Variants in ECM2 observed in about 807,000 individuals in gnomAD.
The protein encoded by ECM2 is extracellular matrix protein 2.
ECM2 carries 57 observed loss-of-function variants against 67.5 expected under a neutral mutation model. The observed-to-expected ratio is 0.84, with a 90% confidence interval of 0.68 to 1.05. ECM2 has a LOEUF of 1.05. Among genes scored for constraint, ECM2 ranks in the 50% least tolerant of loss-of-function variants. The probability of loss-of-function intolerance (pLI) is 0.00; values close to 1 mark genes in which losing one functional copy is unlikely to be tolerated. For missense variants in ECM2, 741 were observed against 822.8 expected (o/e 0.90, Z 1.22); for synonymous variants, 258 against 294.5 (o/e 0.88, Z 1.27).
At chr9:92,534,581 A>T (rs534475580) in intron 1 of ECM2, among the ~76,000 whole-genome samples, 11 of 152,330 alleles carry the variant, frequency 7.2e-5, no homozygotes, top group African/African-American at 2.4e-4. Context: ...AACTTTTTGC[A>T]ATCTACTTTA....
chr9:92,525,513 C>T (rs1414173798), intron 1 of ECM2, among the ~76,000 whole-genome samples: 1 of 152,150 alleles, frequency 6.6e-6, no homozygotes, highest in South Asian at 2.1e-4. Context: ...CTAGAGACGT[C>T]ACAGCATCAT....
Position 92,500,983 on chromosome 9 carries a change from G to A in ECM2, c.1675C>T (p.Leu559=), listed in dbSNP as rs748535545. The A allele has an allele frequency of 6.8e-6, 11 of 1,614,080 alleles. No homozygotes were observed. In the Admixed American group the frequency reaches 1.7e-4, roughly 24 times the overall value. ...HVPSYLPKSL[L]HLVLLGNQIE... Reference sequence around the variant, plus strand: ...TGGTTCCCAAGGAGTACTAGGTGCAGCAAGGACTTGGGTAGATAGGACGGG... The same window carrying A: ...TGGTTCCCAAGGAGTACTAGGTGCAACAAGGACTTGGGTAGATAGGACGGG... Residue 559 remains leucine (L), a synonymous_variant, in exon 9 of 10, where the codon CTG becomes TTG. Transcript: ENST00000344604.
chr9:92,556,014 T>A, the ECM2 span, among the ~76,000 whole-genome samples: 1 of 152,212 alleles, frequency 6.6e-6, no homozygotes, highest in South Asian at 2.1e-4. Context: ...GACTTTTTGA[T>A]GTGGGCGTTT....
Position 92,515,039 on chromosome 9 carries a change from C to T in ECM2, c.646G>A (p.Asp216Asn), listed in dbSNP as rs1204610897. The T allele has an allele frequency of 6.2e-7, 1 of 1,614,056 alleles. No homozygotes were observed. Among genetic ancestry groups the T allele is most frequent in the Non-Finnish European group, 8.5e-7 (1 of 1,180,048 alleles). ...VRKEALQSEE[D>N]EEVKEEDTEQ... is the part of the protein sequence containing the mutation. The stretch of plus-strand genomic sequence containing the variant: ...GTATCTTCTTCTTTCACTTCTTCAT[C>T]CTCCTCAGATTGAAGTGCTTCTTTT... Residue 216 changes from aspartate (D) to asparagine (N), a missense_variant, in exon 4 of 10, where the codon GAT becomes AAT. Asp to Asn is a conservative substitution (Grantham distance 23, BLOSUM62 1). Transcript: ENST00000344604.
intron 4 of ECM2, among the ~76,000 whole-genome samples, chr9:92,514,079 G>T (rs1847525814): frequency 6.6e-6 from 1 of 151,046 alleles, no homozygotes; most frequent in Non-Finnish European, 1.5e-5. Context: ...CAATTTTTAG[G>T]ATGAAATTAA....
Position 92,500,148 on chromosome 9 carries a change from CCT to C in ECM2, c.1931+577_1931+578del, listed in dbSNP as rs948320384. Reference sequence around the variant, plus strand: ...CTATTGCTTTGAAGACTCATTTGAACCTCTCTCTAAAGTTCTAAGTGTTATAT... The same window carrying C: ...CTATTGCTTTGAAGACTCATTTGAACCTCTCTAAAGTTCTAAGTGTTATAT... On this transcript the variant is annotated intron_variant, in intron 9 of 9. Coordinates refer to ENST00000344604, the MANE Select transcript of ECM2 (RefSeq NM_001393.4). 7.9e-5 allele frequency among the ~76,000 whole-genome samples: 12 copies of C among 152,182 alleles called. No homozygotes were observed. The East Asian group carries it at 1.7e-3, about 22-fold the overall frequency.
Position 92,522,893 on chromosome 9 carries a change from T to G in ECM2, c.-27A>C. The G allele has an allele frequency of 6.4e-7, 1 of 1,572,078 alleles. No homozygotes were observed. The highest frequency in any genetic ancestry group is 8.6e-7 in the Non-Finnish European group (1 of 1,165,876). ...TTTGATTTTTTTCCACCAGCCAATT[T>G]CTAGAATGAAACAATATTTCAAAGT... is the stretch of plus-strand genomic sequence containing the variant. On this transcript the variant is annotated splice_region_variant and 5_prime_UTR_variant, in exon 2 of 10. Transcript: ENST00000344604.
At chr9:92,543,495 AAAAAAG>A in the ECM2 span, among the ~76,000 whole-genome samples, 2 of 151,200 alleles carry the variant, frequency 1.3e-5, no homozygotes, top group Non-Finnish European at 3.0e-5. Flanking sequence ...AAAAAAAAAA[AAAAAAG>A]ATTGCATTAG....
chr9:92,549,046 A>C, the ECM2 span, among the ~76,000 whole-genome samples: 1 of 152,224 alleles, frequency 6.6e-6, no homozygotes, highest in Non-Finnish European at 1.5e-5. Flanking sequence ...AGAAGGATAA[A>C]CAATGGACAG....
At chr9:92,511,874 G>A (rs1163827878) in intron 5 of ECM2, 137 bp downstream of exon 5, 2 of 575,262 alleles carry the variant, frequency 3.5e-6, no homozygotes, top group Admixed American at 3.4e-5. Flanking sequence ...TCAAATTAGG[G>A]ACATCAGAGA....
chr9:92,546,144 A>G, the ECM2 span, among the ~76,000 whole-genome samples: 14 of 152,166 alleles, frequency 9.2e-5, no homozygotes, highest in African/African-American at 3.4e-4. Flanking sequence ...GGGGACTTGG[A>G]GAACTTCTGT....
chr9:92,525,867 C>T (rs1443130076), intron 1 of ECM2, among the ~76,000 whole-genome samples: 1 of 146,538 alleles, frequency 6.8e-6, no homozygotes, highest in Non-Finnish European at 1.5e-5. Context: ...CACCACCATG[C>T]CCAGAGTGCA....
At position 92,505,615 on chromosome 9, in the gene ECM2, T is replaced by G. The variant is rs778638700; in HGVS notation, c.1382A>C (p.Lys461Thr). ...SEANVNPLAF[K>T]PLKSLAYLRL... ...CAAGTAGGCTAGGCTCTTCAAAGGT[T>G]TGAAAGCTAAAGGATTGACATTGGC... The change falls in exon 7 of 10, where the codon AAA becomes ACA. Residue 461 changes from lysine to threonine, a missense_variant. Lys to Thr is a moderately conservative substitution (Grantham distance 78). Transcript: ENST00000344604. 2 of 1,611,504 alleles carry G rather than the reference T, an allele frequency of 1.2e-6. No homozygotes were observed. The highest frequency in any genetic ancestry group is 2.2e-5 in the South Asian group (2 of 90,062).
chr9:92,533,314 A>ATATATAT (rs1848934895), intron 1 of ECM2, among the ~76,000 whole-genome samples: 5 of 95,022 alleles, frequency 5.3e-5, no homozygotes, highest in African/African-American at 2.2e-4. Context: ...AAAAAAAAAA[A>ATATATAT]AAAAAAAAAA....
chr9:92,504,818 C>T (rs141857838), intron 7 of ECM2, among the ~76,000 whole-genome samples: 1 of 152,306 alleles, frequency 6.6e-6, no homozygotes, highest in African/African-American at 2.4e-5. Flanking sequence ...GGATTACTGG[C>T]GTGAGCCACT....
chr9:92,546,803 AC>A, the ECM2 span, among the ~76,000 whole-genome samples: 3 of 152,350 alleles, frequency 2.0e-5, no homozygotes, highest in African/African-American at 7.2e-5. Flanking sequence ...CTTTAAAAAA[AC>A]AATAAAATTG....
At chr9:92,514,551 A>G (rs1847563378) in intron 4 of ECM2, 80 bp downstream of exon 4, 2 of 1,502,512 alleles carry the variant, frequency 1.3e-6, no homozygotes, top group Non-Finnish European at 1.8e-6. Context: ...CTGAGATTAT[A>G]GGCGTGAGCC....
At chr9:92,549,139 A>T in the ECM2 span, among the ~76,000 whole-genome samples, 5 of 152,292 alleles carry the variant, frequency 3.3e-5, no homozygotes, top group Non-Finnish European at 7.3e-5. Flanking sequence ...CTGCGGAGGG[A>T]GACAGAAGAG....
At position 92,496,031 on chromosome 9, in the gene ECM2, G is replaced by T; in HGVS notation, c.*284C>A. On this transcript the variant is annotated 3_prime_UTR_variant, in exon 10 of 10. Coordinates refer to ENST00000344604, the MANE Select transcript of ECM2 (RefSeq NM_001393.4). The stretch of plus-strand genomic sequence containing the variant: ...TAAAGGCTGTGTTTATTTTGTTCCA[G>T]ACTCTTCTGGTCTAGCTCAGTATGC... 1 of 1,018,844 alleles carries T rather than the reference G, an allele frequency of 9.8e-7. No individual in the cohort carries two copies. The highest frequency in any genetic ancestry group is 1.2e-6 in the Non-Finnish European group (1 of 852,726). The allele number at this position is 1,018,844 out of a possible 1,614,324, so 63.1% of individuals were successfully genotyped here.
Sources: gnomAD v4.1 joint callset for allele counts (sites outside exome capture counted in the v4.1 genomes callset) on GRCh38, gnomAD v4.1.1 for gene constraint, MANE v1.5 for transcripts, NCBI Gene and HGNC (gene_info 2026-07-23, HGNC 2026-07-21) for gene names.